Variants in SPIDR observed in about 807,000 individuals in gnomAD.
SPIDR encodes scaffold protein involved in DNA repair, also known as DNA repair-scaffolding protein.
In SPIDR, 93 loss-of-function variants were observed where a neutral mutation model predicts 104.6. That is an observed-to-expected ratio of 0.89 (90% CI 0.75 to 1.06). The LOEUF is 1.06. SPIDR is among the 50% of genes least tolerant of loss of function. The pLI is 0.00. For missense variants in SPIDR, 1,154 were observed against 1,111.2 expected, an observed-to-expected ratio of 1.04 and a Z score of -0.55; for synonymous variants, 431 against 416.9, an observed-to-expected ratio of 1.03 and a Z score of -0.41.
At chr8:47,514,452 G>C (rs995609783) in intron 8 of SPIDR, among the ~76,000 whole-genome samples, 2 of 152,148 alleles carry the variant, frequency 1.3e-5, no homozygotes, top group African/African-American at 4.8e-5. Flanking sequence ...TGAGGGGAGG[G>C]AGGCGCTGGG....
At chr8:47,659,557 G>C (rs2073660533) in intron 10 of SPIDR, 1 of 190,342 alleles carries the variant, frequency 5.3e-6, no homozygotes, top group Non-Finnish European at 9.7e-6. Flanking sequence ...TGGTTTCCCG[G>C]TCGGCCCTCC....
intron 8 of SPIDR, among the ~76,000 whole-genome samples, chr8:47,519,045 T>C (rs545116630): frequency 1.3e-5 from 2 of 152,330 alleles, no homozygotes; most frequent in East Asian, 3.9e-4. Context: ...AACTATAGGT[T>C]GGAAATAATT....
intron 16 of SPIDR, among the ~76,000 whole-genome samples, chr8:47,722,944 T>TA: frequency 6.6e-6 from 1 of 152,250 alleles, no homozygotes. Flanking sequence ...GCTAAAGCAA[T>TA]ACTCCCACGT....
upstream of SPIDR, chr8:47,260,885 G>A: frequency 8.5e-7 from 1 of 1,176,326 alleles, no homozygotes; most frequent in Non-Finnish European, 1.1e-6. Context: ...GCCAATGGCA[G>A]GGCGCGGTGC....
At chr8:47,441,730 G>A (rs1325302561) in intron 8 of SPIDR, among the ~76,000 whole-genome samples, 2 of 152,030 alleles carry the variant, frequency 1.3e-5, no homozygotes, top group African/African-American at 2.4e-5. Context: ...ACTATGAGGT[G>A]TAAAAGTTAT....
intron 5 of SPIDR, among the ~76,000 whole-genome samples, chr8:47,331,146 G>A (rs2048604892): frequency 6.6e-6 from 1 of 152,128 alleles, no homozygotes; most frequent in Non-Finnish European, 1.5e-5. Flanking sequence ...ATCTGTATCT[G>A]TATCTTCTTT....
Position 47,260,951 on chromosome 8 carries a change from T to G in SPIDR, c.-8T>G, listed in dbSNP as rs1051346382. ...AGGAGGCGGTGCGCTCAGGCGGCGC[T>G]CCCGGAGATGCCCCGCGGCAGCCGC... On this transcript the variant is annotated 5_prime_UTR_variant, in exon 1 of 20. Transcript: ENST00000297423. 8.1e-7 allele frequency: 1 copy of G among 1,228,602 alleles called. No individual in the cohort carries two copies. Among genetic ancestry groups the G allele is most frequent in the Non-Finnish European group, 1.0e-6 (1 of 985,662 alleles). 76.1% of individuals were successfully genotyped at this position (1,228,602 alleles called of 1,614,324 possible).
chr8:47,485,669 G>A (rs540498092), intron 8 of SPIDR, among the ~76,000 whole-genome samples: 3 of 152,294 alleles, frequency 2.0e-5, no homozygotes, highest in South Asian at 2.1e-4. Context: ...CCAGAGGAAC[G>A]ATCAGGCAGC....
chr8:47,548,576 A>T (rs2089890726), intron 8 of SPIDR, among the ~76,000 whole-genome samples: 1 of 152,232 alleles, frequency 6.6e-6, no homozygotes, highest in Non-Finnish European at 1.5e-5. Context: ...TGAACCTGGG[A>T]GGCTGAAGTT....
intron 9 of SPIDR, among the ~76,000 whole-genome samples, chr8:47,596,572 T>A (rs1326260490): frequency 6.6e-6 from 1 of 152,138 alleles, no homozygotes; most frequent in Non-Finnish European, 1.5e-5. Flanking sequence ...TCTCGATGAG[T>A]CAGTGAGTGA....
At chr8:47,700,859 C>T (rs533183165) in intron 12 of SPIDR, among the ~76,000 whole-genome samples, 4 of 152,344 alleles carry the variant, frequency 2.6e-5, no homozygotes, top group Admixed American at 2.6e-4. Context: ...AACCAACACT[C>T]AGTTACCAAT....
intron 5 of SPIDR, among the ~76,000 whole-genome samples, chr8:47,301,511 C>T (rs2154247855): frequency 6.6e-6 from 1 of 151,672 alleles, no homozygotes; most frequent in South Asian, 2.1e-4. Context: ...TTATTTTGCT[C>T]ATTAGTTGAT....
At chr8:47,592,446 T>G in intron 8 of SPIDR, 1 of 1,451,240 alleles carries the variant, frequency 6.9e-7, no homozygotes, top group Non-Finnish European at 9.7e-7. Flanking sequence ...ATAGTTCAAG[T>G]TTAAAAGTCC....
chr8:47,458,353 T>TTATTTTATTTTATTTTATTTTA (rs2073363038), intron 8 of SPIDR, among the ~76,000 whole-genome samples: 1 of 147,340 alleles, frequency 6.8e-6, no homozygotes, highest in East Asian at 2.0e-4. Context: ...TTATTTTATT[T>TTATTTTATTTTATTTTATTTTA]TATTTTATTT....
intron 8 of SPIDR, among the ~76,000 whole-genome samples, chr8:47,514,734 T>TA (rs1359842186): frequency 2.0e-5 from 3 of 152,172 alleles, no homozygotes; most frequent in African/African-American, 7.2e-5. Context: ...AGGTGACTGA[T>TA]ATTAAGATAT....
At chr8:47,729,153 G>C (rs955925739) in intron 18 of SPIDR, 106 bp downstream of exon 18, 1 of 1,540,434 alleles carries the variant, frequency 6.5e-7, no homozygotes, top group Non-Finnish European at 8.7e-7. Flanking sequence ...CTGCAGAGGC[G>C]CTGGGACTCG....
chr8:47,503,193 G>A (rs761923138), intron 8 of SPIDR, among the ~76,000 whole-genome samples: 7 of 152,098 alleles, frequency 4.6e-5, no homozygotes, highest in South Asian at 4.1e-4. Context: ...GAATATCCTT[G>A]TTAACTTTCT....
At chr8:47,576,585 C>T (rs1004048864) in intron 8 of SPIDR, among the ~76,000 whole-genome samples, 1 of 152,044 alleles carries the variant, frequency 6.6e-6, no homozygotes, top group African/African-American at 2.4e-5. Flanking sequence ...AGGTGTGGGC[C>T]AGGACACCTG....
chr8:47,534,875 G>C (rs1331892614), intron 8 of SPIDR, among the ~76,000 whole-genome samples: 1 of 151,864 alleles, frequency 6.6e-6, no homozygotes, highest in Non-Finnish European at 1.5e-5. Context: ...TTCTTTGAAC[G>C]ATTAATAAAA....
Sources: gnomAD v4.1 joint callset for allele counts (sites outside exome capture counted in the v4.1 genomes callset) on GRCh38, gnomAD v4.1.1 for gene constraint, MANE v1.5 for transcripts, NCBI Gene and HGNC (gene_info 2026-07-23, HGNC 2026-07-21) for gene names.